The following CCDC83 variants were observed in gnomAD, a reference collection of about 807,000 sequenced individuals.
The protein encoded by CCDC83 is coiled-coil domain containing 83.
A neutral mutation model predicts 50.1 loss-of-function variants in CCDC83; 54 were observed. That is an observed-to-expected ratio of 1.08 (90% CI 0.87 to 1.35). The LOEUF (loss-of-function observed/expected upper bound fraction) is 1.35. Ranked by LOEUF, CCDC83 falls within the 40% of genes most tolerant of loss-of-function variation. The probability of loss-of-function intolerance (pLI) is 0.00; values close to 1 mark genes in which losing one functional copy is unlikely to be tolerated. For synonymous variants in CCDC83, 161 were observed against 153.3 expected (o/e 1.05, Z -0.37); for missense variants, 518 against 473.9 (o/e 1.09, Z -0.86).
intron 8 of CCDC83, 23 bp downstream of exon 8, chr11:85,911,425 G>C (rs768715037): frequency 2.0e-6 from 3 of 1,528,436 alleles, no homozygotes; most frequent in East Asian, 2.4e-5. Context: ...AATATATAGA[G>C]AGTATTTTGT....
chr11:85,918,635 C>T (rs933733565), intron 10 of CCDC83, among the ~76,000 whole-genome samples: 14 of 152,138 alleles, frequency 9.2e-5, no homozygotes, highest in South Asian at 6.2e-4. Context: ...GTTGATTTTG[C>T]CAATGTTAAG....
intron 7 of CCDC83, among the ~76,000 whole-genome samples, chr11:85,902,932 GA>G (rs1439744204): frequency 6.6e-6 from 1 of 152,032 alleles, no homozygotes; most frequent in Admixed American, 6.6e-5. Flanking sequence ...GTGTTTGATT[GA>G]AAAAAATCTG....
At chr11:85,893,016 A>G (rs2093357176) in intron 5 of CCDC83, among the ~76,000 whole-genome samples, 1 of 152,026 alleles carries the variant, frequency 6.6e-6, no homozygotes, top group African/African-American at 2.4e-5. Flanking sequence ...CCCTCTCCTG[A>G]CCACCTTTTC....
At chr11:85,861,998 T>TAAAAA (rs34372795) in intron 1 of CCDC83, among the ~76,000 whole-genome samples, 28 of 94,810 alleles carry the variant, frequency 3.0e-4, no homozygotes, top group Non-Finnish European at 3.9e-4. Flanking sequence ...CCTGTCTCAT[T>TAAAAA]AAAAAAAAAA....
At chr11:85,911,205 A>AAAAAAAT in intron 7 of CCDC83, 76 bp from the exon 8 acceptor site, 1 of 1,233,290 alleles carries the variant, frequency 8.1e-7, no homozygotes, top group Non-Finnish European at 1.1e-6. Flanking sequence ...AAGAAAAAAG[A>AAAAAAAT]AAAAAATAAA....
intron 3 of CCDC83, among the ~76,000 whole-genome samples, chr11:85,873,789 G>A (rs2093253780): frequency 6.6e-6 from 1 of 152,150 alleles, no homozygotes; most frequent in Non-Finnish European, 1.5e-5. Context: ...TCAAAAAGGT[G>A]CTATATATGA....
intron 1 of CCDC83, among the ~76,000 whole-genome samples, chr11:85,864,685 T>A (rs1402526578): frequency 6.6e-6 from 1 of 152,234 alleles, no homozygotes; most frequent in African/African-American, 2.4e-5. Context: ...TTCGTGCTCA[T>A]AGAAAATTGT....
Position 85,908,589 on chromosome 11 carries a change from AGATAGATAGATAGATAGATAGACAGAT to A in CCDC83, c.673-2691_673-2665del, listed in dbSNP as rs1352063194. 4.0e-3 allele frequency among the ~76,000 whole-genome samples: 598 copies of A among 150,414 alleles called. 10 individuals are homozygous for A. The highest frequency in any genetic ancestry group is 0.023 in the Admixed American group (352 of 15,036). ...TAGATAGATAGATAGATAGATAGAT[AGATAGATAGATAGATAGATAGACAGAT>A]AGAATTCATGGCCGGGTGGCTCATG... On this transcript the variant is annotated intron_variant, in intron 7 of 10. Transcript: ENST00000342404.
intron 4 of CCDC83, among the ~76,000 whole-genome samples, chr11:85,884,451 C>T (rs1414679056): frequency 6.6e-6 from 1 of 152,116 alleles, no homozygotes; most frequent in African/African-American, 2.4e-5. Context: ...TTCCTATGCA[C>T]AGTAAGGTTT....
chr11:85,886,438 A>G, intron 5 of CCDC83, 71 bp downstream of exon 5: 1 of 1,218,184 alleles, frequency 8.2e-7, no homozygotes. Flanking sequence ...GATGGAAGAA[A>G]AAAGTGCATA....
At chr11:85,881,079 A>C (rs965458325) in intron 3 of CCDC83, among the ~76,000 whole-genome samples, 5 of 152,146 alleles carry the variant, frequency 3.3e-5, no homozygotes, top group South Asian at 2.1e-4. Flanking sequence ...AAGAAGTTTC[A>C]GATTTTAGGC....
chr11:85,916,153 G>C lies in CCDC83; in HGVS notation c.1000G>C (p.Asp334His), dbSNP rs138664785. The C allele has an allele frequency of 5.7e-4, 925 of 1,613,430 alleles. 6 individuals are homozygous for C. In the African/African-American group the frequency reaches 0.011, roughly 19 times the overall value. Reference protein sequence around the residue: ...SIEDLQYVKIDKEENSGTEFG... With the variant: ...SIEDLQYVKIHKEENSGTEFG... ...CGAAGATCTCCAGTATGTGAAGATAGATAAAGAGGAAAACTCAGGCACAGA... is the reference window on the plus strand; with the variant it reads ...CGAAGATCTCCAGTATGTGAAGATACATAAAGAGGAAAACTCAGGCACAGA... The change falls in exon 10 of 11, where the codon GAT (aspartate) becomes CAT (histidine). Residue 334 changes from aspartate to histidine, a missense_variant. By Grantham distance (81) the Asp-to-His change is moderately conservative. Coordinates refer to ENST00000342404, the MANE Select transcript of CCDC83 (RefSeq NM_001286159.2).
chr11:85,875,243 T>G lies in CCDC83; in HGVS notation c.180+1948T>G, dbSNP rs1173060490. Among the ~76,000 whole-genome samples the G allele has an allele frequency of 2.0e-5, 3 of 152,118 alleles. 1 individual carries two copies. The highest frequency in any genetic ancestry group is 2.9e-5 in the Non-Finnish European group (2 of 68,026). Reference sequence around the variant, plus strand: ...TAGGAAAGGGTAGGTATATGTAAAATAGGTGAAGGATGAGGACCAATCAGA... The same window carrying G: ...TAGGAAAGGGTAGGTATATGTAAAAGAGGTGAAGGATGAGGACCAATCAGA... On this transcript the variant is annotated intron_variant, in intron 3 of 10. Coordinates refer to ENST00000342404, the MANE Select transcript of CCDC83 (RefSeq NM_001286159.2).
intron 3 of CCDC83, among the ~76,000 whole-genome samples, chr11:85,873,748 C>T (rs2093253451): frequency 6.6e-6 from 1 of 152,128 alleles, no homozygotes; most frequent in Admixed American, 6.6e-5. Flanking sequence ...AGATGATATA[C>T]TGTTTTTATA....
At chr11:85,909,120 G>T (rs1008358183) in intron 7 of CCDC83, among the ~76,000 whole-genome samples, 1 of 151,990 alleles carries the variant, frequency 6.6e-6, no homozygotes, top group Non-Finnish European at 1.5e-5. Context: ...TTTATTTTTG[G>T]TTTTTGTGTT....
chr11:85,910,320 T>C (rs556818225), intron 7 of CCDC83, among the ~76,000 whole-genome samples: 1 of 152,350 alleles, frequency 6.6e-6, no homozygotes, highest in South Asian at 2.1e-4. Flanking sequence ...GTTGATCCTT[T>C]GTTCCCAAAG....
At chr11:85,897,690 T>C (rs1003192624) in intron 6 of CCDC83, among the ~76,000 whole-genome samples, 1 of 152,214 alleles carries the variant, frequency 6.6e-6, no homozygotes, top group Non-Finnish European at 1.5e-5. Flanking sequence ...TTAACTTCAG[T>C]TAGGAGCAAC....
intron 5 of CCDC83, among the ~76,000 whole-genome samples, chr11:85,893,043 T>G (rs943089236): frequency 1.3e-5 from 2 of 152,106 alleles, no homozygotes; most frequent in African/African-American, 4.8e-5. Context: ...CCCCACAAGT[T>G]AGGAGAACTC....
At chr11:85,856,005 T>A (rs2093137753) in intron 1 of CCDC83, among the ~76,000 whole-genome samples, 1 of 152,194 alleles carries the variant, frequency 6.6e-6, no homozygotes, top group Admixed American at 6.5e-5. Flanking sequence ...TTTCAACTTC[T>A]TGCTCTGGAT....
Sources: gnomAD v4.1 joint callset for allele counts (sites outside exome capture counted in the v4.1 genomes callset) on GRCh38, gnomAD v4.1.1 for gene constraint, MANE v1.5 for transcripts, NCBI Gene and HGNC (gene_info 2026-07-23, HGNC 2026-07-21) for gene names.